Variants in ANXA8 observed in about 807,000 individuals in gnomAD.
The protein encoded by ANXA8 is VAC-beta.
Under a neutral mutation model 26.8 loss-of-function variants are expected in ANXA8, and 9 were observed. The ratio of observed to expected loss-of-function variants is 0.34; its 90% confidence interval spans 0.20 to 0.59. The LOEUF (loss-of-function observed/expected upper bound fraction) is 0.59. ANXA8 is among the 20% of genes least tolerant of loss of function. The pLI, the probability that ANXA8 is intolerant of heterozygous loss-of-function variation, is 0.84. For synonymous variants in ANXA8, 39 were observed against 94.8 expected, an observed-to-expected ratio of 0.41 and a Z score of 3.42; for missense variants, 83 against 238.5, an observed-to-expected ratio of 0.35 and a Z score of 4.29.
the ANXA8 span, among the ~76,000 whole-genome samples, chr10:47,702,249 A>G: frequency 5.3e-5 from 8 of 151,242 alleles, no homozygotes; most frequent in Admixed American, 4.0e-4. Flanking sequence ...AGTTCTGTCC[A>G]TTGAGCGAGC....
At chr10:47,595,554 A>G in the ANXA8 span, among the ~76,000 whole-genome samples, 1 of 149,336 alleles carries the variant, frequency 6.7e-6, no homozygotes, top group Non-Finnish European at 1.5e-5. Context: ...TTCAAAGTAA[A>G]GGGATAGAGA....
At chr10:47,881,780 ACATG>A in the ANXA8 span, among the ~76,000 whole-genome samples, 315 of 97,892 alleles carry the variant, frequency 3.2e-3, no homozygotes, top group African/African-American at 0.011. Context: ...GTATGTGTGA[ACATG>A]TAGGGTGTTT....
chr10:47,762,987 T>C, the ANXA8 span: 3 of 1,256,610 alleles, frequency 2.4e-6, no homozygotes, highest in Non-Finnish European at 3.0e-6. Flanking sequence ...CAGGGTGCGG[T>C]GAGAGTACCA....
chr10:47,517,304 G>T, the ANXA8 span, among the ~76,000 whole-genome samples: 1 of 75,850 alleles, frequency 1.3e-5, no homozygotes, highest in Non-Finnish European at 2.3e-5. Context: ...ACAGAGTTTC[G>T]CTCTGTCGCC....
the ANXA8 span, among the ~76,000 whole-genome samples, chr10:47,953,847 A>C: frequency 6.6e-6 from 1 of 150,696 alleles, no homozygotes; most frequent in African/African-American, 2.5e-5. Flanking sequence ...ATGGGATCTC[A>C]TGTCAACCCG....
chr10:47,519,248 A>G, the ANXA8 span, among the ~76,000 whole-genome samples: 1 of 128,294 alleles, frequency 7.8e-6, no homozygotes, highest in Non-Finnish European at 1.6e-5. Context: ...CGGGTAGATC[A>G]CTTGAGGTCA....
chr10:47,669,725 A>G, the ANXA8 span, among the ~76,000 whole-genome samples: 1 of 151,872 alleles, frequency 6.6e-6, no homozygotes, highest in African/African-American at 2.4e-5. Context: ...AAAAACAAAA[A>G]CAAAAAAACC....
chr10:47,683,933 G>A, the ANXA8 span, among the ~76,000 whole-genome samples: 1 of 151,790 alleles, frequency 6.6e-6, no homozygotes, highest in Non-Finnish European at 1.5e-5. Context: ...TTTGTAATAA[G>A]CATTTTTTTT....
the ANXA8 span, among the ~76,000 whole-genome samples, chr10:47,968,213 C>G: frequency 6.7e-6 from 1 of 149,904 alleles, no homozygotes. Context: ...CTCTGGCTCT[C>G]CTCTCCTGCT....
At chr10:47,577,004 A>C in the ANXA8 span, among the ~76,000 whole-genome samples, 1 of 146,704 alleles carries the variant, frequency 6.8e-6, no homozygotes, top group South Asian at 2.2e-4. Context: ...TAAGTGATTC[A>C]TCCTGTACAA....
the ANXA8 span, among the ~76,000 whole-genome samples, chr10:47,966,655 C>CT: frequency 6.9e-6 from 1 of 145,268 alleles, no homozygotes; most frequent in Non-Finnish European, 1.5e-5. Flanking sequence ...CAAACATACA[C>CT]TGGACGCAGA....
the ANXA8 span, chr10:47,590,410 A>T: frequency 6.8e-6 from 1 of 146,838 alleles, no homozygotes; most frequent in Non-Finnish European, 1.5e-5. Flanking sequence ...TTGTGACCCA[A>T]GTGCTGGGCT....
chr10:47,709,728 C>T, the ANXA8 span, among the ~76,000 whole-genome samples: 73 of 109,584 alleles, frequency 6.7e-4, 2 homozygotes, highest in African/African-American at 2.4e-3. Context: ...TTGGTGAGGA[C>T]GGAGGCCTCG....
chr10:47,955,529 A>C, the ANXA8 span, among the ~76,000 whole-genome samples: 1 of 150,250 alleles, frequency 6.7e-6, no homozygotes, highest in South Asian at 2.1e-4. Context: ...ACTGTACTGA[A>C]TACTGCAGGC....
At chr10:47,939,582 C>T in the ANXA8 span, among the ~76,000 whole-genome samples, 4 of 145,272 alleles carry the variant, frequency 2.8e-5, no homozygotes, top group Non-Finnish European at 5.9e-5. Context: ...CTCCGTCTAC[C>T]TGCAGGCTGG....
chr10:47,523,994 A>C, the ANXA8 span, among the ~76,000 whole-genome samples: 2 of 140,210 alleles, frequency 1.4e-5, no homozygotes, highest in Admixed American at 7.1e-5. Context: ...CCTGCCTGCC[A>C]CCCCTCCCCA....
At chr10:47,734,092 C>A in the ANXA8 span, among the ~76,000 whole-genome samples, 12 of 146,522 alleles carry the variant, frequency 8.2e-5, no homozygotes, top group African/African-American at 2.3e-4. Flanking sequence ...GAGCAGGCAT[C>A]AGTCTGAGCT....
At chr10:47,522,547 A>G in the ANXA8 span, among the ~76,000 whole-genome samples, 1 of 148,214 alleles carries the variant, frequency 6.7e-6, no homozygotes, top group Admixed American at 6.7e-5. Context: ...GCTTCTATCA[A>G]GGTGACTTAA....
chr10:47,736,918 G>T, the ANXA8 span, among the ~76,000 whole-genome samples: 1 of 151,726 alleles, frequency 6.6e-6, no homozygotes, highest in Non-Finnish European at 1.5e-5. Context: ...GCCTCCCAAA[G>T]TACTGAGACT....
Sources: allele counts gnomAD v4.1 joint callset (sites outside exome capture counted in the v4.1 genomes callset), GRCh38; gene constraint gnomAD v4.1.1; transcripts MANE v1.5; gene names NCBI Gene and HGNC (gene_info 2026-07-23, HGNC 2026-07-21).